The following PCDHGB5 variants were observed in gnomAD, a reference collection of about 807,000 sequenced individuals.
PCDHGB5 encodes the protein protocadherin gamma-B5.
In PCDHGB5, 48 loss-of-function variants were observed where a neutral mutation model predicts 62.9. The ratio of observed to expected loss-of-function variants is 0.76; its 90% CI spans 0.61 to 0.97. The LOEUF (loss-of-function observed/expected upper bound fraction) is 0.97, where lower values mean the gene tolerates loss of function less well. PCDHGB5 is among the 50% of genes least tolerant of loss of function. The probability of loss-of-function intolerance (pLI) is 0.00; values close to 1 mark genes in which losing one functional copy is unlikely to be tolerated. For synonymous variants in PCDHGB5, 474 were observed against 511.2 expected (o/e 0.93, Z 0.98); for missense variants, 1,118 against 1,198.6 (o/e 0.93, Z 0.99).
intron 1 of PCDHGB5, chr5:141,405,045 C>T (rs757899891): frequency 6.2e-7 from 1 of 1,613,918 alleles, no homozygotes. Context: ...GTGGCTGTGG[C>T]AGTCGTCTCC....
At chr5:141,412,917 G>C (rs918712966) in intron 1 of PCDHGB5, 2 of 410,214 alleles carry the variant, frequency 4.9e-6, no homozygotes, top group African/African-American at 2.1e-5. Context: ...GTATCACTTG[G>C]GTGCAGTAAC....
At chr5:141,470,872 T>TTTTTTG (rs900302332) in intron 1 of PCDHGB5, among the ~76,000 whole-genome samples, 2 of 151,814 alleles carry the variant, frequency 1.3e-5, no homozygotes, top group Admixed American at 1.3e-4. Context: ...GTTTGTTTGT[T>TTTTTTG]TTTTTGTTTT....
chr5:141,457,701 G>A (rs1341216514), intron 1 of PCDHGB5, among the ~76,000 whole-genome samples: 1 of 152,222 alleles, frequency 6.6e-6, no homozygotes, highest in Admixed American at 6.5e-5. Context: ...TGGCTTTGAT[G>A]AAACACTGTT....
chr5:141,418,635 C>G, intron 1 of PCDHGB5: 1 of 1,614,018 alleles, frequency 6.2e-7, no homozygotes. Flanking sequence ...CCTCCAGGCA[C>G]CTCCATCCTG....
At chr5:141,449,958 A>AT (rs962794399) in intron 1 of PCDHGB5, among the ~76,000 whole-genome samples, 8 of 148,830 alleles carry the variant, frequency 5.4e-5, no homozygotes, top group African/African-American at 2.0e-4. Context: ...CCTCATAGTA[A>AT]TTTTTTTTAG....
intron 1 of PCDHGB5, among the ~76,000 whole-genome samples, chr5:141,454,420 T>C (rs889393211): frequency 6.6e-6 from 1 of 152,218 alleles, no homozygotes; most frequent in African/African-American, 2.4e-5. Context: ...TATTTATTTA[T>C]TTAGAGACAG....
intron 1 of PCDHGB5, chr5:141,426,793 A>G: frequency 2.2e-6 from 1 of 456,734 alleles, no homozygotes; most frequent in South Asian, 1.5e-5. Context: ...CAGAGTTACC[A>G]GCTCAGTTCT....
intron 1 of PCDHGB5, among the ~76,000 whole-genome samples, chr5:141,438,637 C>G (rs11958903): frequency 3.2e-5 from 1 of 30,940 alleles, no homozygotes. Context: ...TATATATATA[C>G]ACACACACAC....
Position 141,490,055 on chromosome 5 carries a change from G to A in PCDHGB5, c.2398-4752G>A, listed in dbSNP as rs746297447. The A allele has an allele frequency of 1.9e-6, 3 of 1,614,068 alleles. No individual in the cohort carries two copies. The Admixed American group carries it at 5.0e-5, about 27-fold the overall frequency. On this transcript the variant is annotated intron_variant, in intron 1 of 3. Transcript: ENST00000617380. This position sits in a 1 kb window ranked among gnomAD's most constrained non-coding sequence, Gnocchi z 5.4. ...CTCAATGCCACTGATCCAGACGAGG[G>A]CACCAACGGCCAACTAGACTATTCT...
chr5:141,504,578 TGCCCAGGATTCACAGCAA>T (rs2099839274), intron 2 of PCDHGB5, among the ~76,000 whole-genome samples: 1 of 148,500 alleles, frequency 6.7e-6, no homozygotes, highest in African/African-American at 2.5e-5. Flanking sequence ...GAACACCATC[TGCCCAGGATTCACAGCAA>T]GAGGGAACTT....
At chr5:141,455,239 G>A (rs1034181635) in intron 1 of PCDHGB5, among the ~76,000 whole-genome samples, 1 of 151,898 alleles carries the variant, frequency 6.6e-6, no homozygotes, top group African/African-American at 2.4e-5. Context: ...AAATGTTAAA[G>A]GTCATAGTAC....
chr5:141,423,170 A>T (rs755141371), intron 1 of PCDHGB5: 1 of 1,613,504 alleles, frequency 6.2e-7, no homozygotes, highest in South Asian at 1.1e-5. Flanking sequence ...GTGGCCGTCC[A>T]GGACCACGGC....
In PCDHGB5 at chr5:141,511,364, T is replaced by C. The variant is rs115159796; in HGVS notation, c.*191T>C. The C allele has an allele frequency of 4.6e-4, 610 of 1,317,098 alleles. 5 individuals are homozygous for C. In the African/African-American group the frequency reaches 7.1e-3, roughly 15 times the overall value. The allele number at this position is 1,317,098 out of a possible 1,614,324, so 81.6% of individuals were successfully genotyped here. On this transcript the variant is annotated 3_prime_UTR_variant, in exon 4 of 4. Coordinates refer to ENST00000617380, the MANE Select transcript of PCDHGB5 (RefSeq NM_018925.3). ...ACCCCTTCCCCCCCAGGGGGTTGAA[T>C]ATGCAAAAGCAGTTCCGCTGGGAAC...
Position 141,476,144 on chromosome 5 carries a change from C to T in PCDHGB5, c.2398-18663C>T. ...GGTCCCAGAGGCCTGGAGGAGCGGA[C>T]TGGTAAGCACCGGGAGGGTAGTGGG... is the stretch of plus-strand genomic sequence containing the variant. On this transcript the variant is annotated intron_variant, in intron 1 of 3. Transcript: ENST00000617380. This position sits in a 1 kb window ranked among gnomAD's most constrained non-coding sequence, Gnocchi z 7.6. 6.2e-7 allele frequency: 1 copy of T among 1,610,510 alleles called. No individual in the cohort carries two copies. The highest frequency in any genetic ancestry group is 1.3e-5 in the African/African-American group (1 of 75,014).
rs1012028735 is a variant in PCDHGB5 at position 141,413,666 on chromosome 5, C to T, written c.2397+13142C>T. 4 of 1,613,666 alleles carry T rather than the reference C, an allele frequency of 2.5e-6. No individual in the cohort carries two copies. In the African/African-American group the frequency reaches 5.3e-5, roughly 22 times the overall value. On this transcript the variant is annotated intron_variant, in intron 1 of 3. Coordinates refer to ENST00000617380, the MANE Select transcript of PCDHGB5 (RefSeq NM_018925.3). ...TTTCCTCTCCCGGAAGCTATTGATC[C>T]GGATGTGGGCGTGAACTCCCTGCAG... is the stretch of plus-strand genomic sequence containing the variant.
chr5:141,398,528 C>T lies in PCDHGB5; in HGVS notation c.401C>T (p.Thr134Met), dbSNP rs1355149152. Reference protein sequence around the residue: ...EDINDHTPKFTQNSFELQISE... With the variant: ...EDINDHTPKFMQNSFELQISE... ...ATTAATGACCACACGCCAAAATTCA[C>T]GCAAAATTCCTTTGAGCTGCAAATA... Residue 134 changes from threonine (T) to methionine (M), a missense_variant, in exon 1 of 4, where the codon ACG becomes ATG. Coordinates refer to ENST00000617380, the MANE Select transcript of PCDHGB5 (RefSeq NM_018925.3). The T allele has an allele frequency of 1.2e-6, 2 of 1,613,386 alleles. No individual in the cohort carries two copies. The highest frequency in any genetic ancestry group is 1.7e-6 in the Non-Finnish European group (2 of 1,179,758).
intron 1 of PCDHGB5, chr5:141,416,811 A>C (rs1355425793): frequency 2.6e-5 from 4 of 152,188 alleles, no homozygotes; most frequent in Non-Finnish European, 5.9e-5. Context: ...AAAGTCAAAA[A>C]GCATTCCGAA....
At chr5:141,494,554 T>C (rs1270280236) in intron 1 of PCDHGB5, among the ~76,000 whole-genome samples, 1 of 152,178 alleles carries the variant, frequency 6.6e-6, no homozygotes, top group African/African-American at 2.4e-5. Flanking sequence ...GGGCCATTTC[T>C]TTAGGAAAGG....
intron 1 of PCDHGB5, among the ~76,000 whole-genome samples, chr5:141,465,788 T>A (rs1322471400): frequency 6.6e-6 from 1 of 152,110 alleles, no homozygotes; most frequent in Non-Finnish European, 1.5e-5. Context: ...AGTTTTTTTT[T>A]TTTTAAGAAA....
Sources: allele counts gnomAD v4.1 joint callset (sites outside exome capture counted in the v4.1 genomes callset), GRCh38; gene constraint gnomAD v4.1.1; non-coding constraint Gnocchi (gnomAD v3.1); transcripts MANE v1.5; gene names NCBI Gene and HGNC (gene_info 2026-07-23, HGNC 2026-07-21).